Variants in KCNIP3 observed in about 807,000 individuals in gnomAD.
KCNIP3 encodes the protein potassium voltage-gated channel interacting protein 3, also known as calsenilin.
In KCNIP3, 28 loss-of-function variants were observed where a neutral mutation model predicts 35.0. The ratio of observed to expected loss-of-function variants is 0.80; its 90% confidence interval spans 0.59 to 1.10. KCNIP3 has a LOEUF of 1.10. Ranked by LOEUF, KCNIP3 falls within the 50% of genes least tolerant of loss-of-function variation. The pLI is 0.00. For missense variants in KCNIP3, 295 were observed against 338.4 expected, an observed-to-expected ratio of 0.87 and a Z score of 1.01; for synonymous variants, 134 against 133.8, an observed-to-expected ratio of 1.00 and a Z score of -0.01.
At chr2:95,302,909 C>G (rs1166399263) in intron 1 of KCNIP3, 1 of 152,784 alleles carries the variant, frequency 6.5e-6, no homozygotes, top group African/African-American at 2.4e-5. Context: ...TCCGTTAAGT[C>G]TGTAGACATC....
intron 2 of KCNIP3, among the ~76,000 whole-genome samples, chr2:95,365,158 C>CTTTT (rs75136882): frequency 8.3e-5 from 10 of 120,488 alleles, no homozygotes; most frequent in South Asian, 2.8e-4. Context: ...GTCCTTATGT[C>CTTTT]TTTTTTTTTT....
At chr2:95,321,055 A>C (rs1004949597) in intron 2 of KCNIP3, among the ~76,000 whole-genome samples, 22 of 17,836 alleles carry the variant, frequency 1.2e-3, no homozygotes, top group Non-Finnish European at 1.4e-3. Context: ...TCTCCTCCCC[A>C]CACCCCAAGC....
rs141927142 is a variant in KCNIP3 at position 95,301,852 on chromosome 2, CTGTG to C, written c.15+4420_15+4423del. ...GCTGCCAGAGGGCTGGGGCCCAGGG[CTGTG>C]TGTGTGTGTGTGTGTGTGTGCGCGC... is the stretch of plus-strand genomic sequence containing the variant. On this transcript the variant is annotated intron_variant, in intron 1 of 8. Transcript: ENST00000295225. Among the ~76,000 whole-genome samples the C allele has an allele frequency of 5.6e-3, 836 of 149,180 alleles. 5 individuals are homozygous for C. Among genetic ancestry groups the C allele is most frequent in the Non-Finnish European group, 8.4e-3 (562 of 67,046 alleles).
chr2:95,336,997 CT>C (rs1235711365), intron 2 of KCNIP3, among the ~76,000 whole-genome samples: 2 of 152,142 alleles, frequency 1.3e-5, no homozygotes, highest in Non-Finnish European at 2.9e-5. Context: ...AATGCAGAGC[CT>C]AGCAATTAGC....
chr2:95,326,532 C>T (rs929889330), intron 2 of KCNIP3, among the ~76,000 whole-genome samples: 2 of 152,218 alleles, frequency 1.3e-5, no homozygotes, highest in African/African-American at 2.4e-5. Flanking sequence ...GCCTGCCGGC[C>T]CTGTTCTCAA....
chr2:95,310,652 T>A (rs745651248), intron 2 of KCNIP3, 132 bp downstream of exon 2: 48 of 962,322 alleles, frequency 5.0e-5, no homozygotes, highest in Non-Finnish European at 6.6e-5. Flanking sequence ...CTATTGGAGG[T>A]GTGTTTTCAT....
chr2:95,349,478 C>T (rs1223573468), intron 2 of KCNIP3, among the ~76,000 whole-genome samples: 1 of 152,220 alleles, frequency 6.6e-6, no homozygotes, highest in Non-Finnish European at 1.5e-5. Flanking sequence ...GTCAAAAAGC[C>T]TTCCTCTCTG....
At chr2:95,346,575 G>C (rs1409759442) in intron 2 of KCNIP3, among the ~76,000 whole-genome samples, 1 of 145,618 alleles carries the variant, frequency 6.9e-6, no homozygotes, top group African/African-American at 2.5e-5. Flanking sequence ...TGGGGCGGCC[G>C]GGAGCGCCCG....
At chr2:95,360,674 G>C (rs1041980179) in intron 2 of KCNIP3, among the ~76,000 whole-genome samples, 4 of 152,152 alleles carry the variant, frequency 2.6e-5, no homozygotes, top group African/African-American at 7.2e-5. Context: ...GTCCAAGATC[G>C]AGGGCTTGGC....
At chr2:95,383,414 G>C in intron 8 of KCNIP3, 120 bp downstream of exon 8, 2 of 1,010,900 alleles carry the variant, frequency 2.0e-6, no homozygotes, top group Non-Finnish European at 3.0e-6. Context: ...GGATGTGGCA[G>C]CTGTCCTTGG....
At chr2:95,298,260 A>G (rs1266126605) in intron 1 of KCNIP3, among the ~76,000 whole-genome samples, 3 of 152,148 alleles carry the variant, frequency 2.0e-5, no homozygotes, top group Non-Finnish European at 4.4e-5. Flanking sequence ...AACGCCCCAA[A>G]TAACAGTGGA....
rs1239728595 is a variant in KCNIP3, at chr2:95,377,451, C to A, written c.447+2243C>A. Among the ~76,000 whole-genome samples, 2 of 152,262 alleles carry A rather than the reference C, an allele frequency of 1.3e-5. No homozygotes were observed. Among genetic ancestry groups the A allele is most frequent in the East Asian group, 3.8e-4 (2 of 5,202 alleles). On this transcript the variant is annotated intron_variant, in intron 5 of 8. Coordinates refer to ENST00000295225, the MANE Select transcript of KCNIP3 (RefSeq NM_013434.5). The surrounding 1 kb of genome is among the most constrained non-coding windows in gnomAD (Gnocchi z 4.7). The stretch of plus-strand genomic sequence containing the variant: ...CCCACCCCCTCGCTGAGCACCTGCT[C>A]CGGGCTCTGCCGGGAGACCCTCCTG...
intron 2 of KCNIP3, among the ~76,000 whole-genome samples, chr2:95,327,435 G>A (rs574184985): frequency 9.9e-5 from 15 of 152,010 alleles, no homozygotes; most frequent in East Asian, 5.8e-4. Context: ...ATGCACACAC[G>A]TACACACCCA....
chr2:95,370,669 A>G (rs1680020459), intron 2 of KCNIP3, among the ~76,000 whole-genome samples: 1 of 152,226 alleles, frequency 6.6e-6, no homozygotes. Context: ...TGTCAGATAC[A>G]TATACTGGAG....
chr2:95,362,488 A>G (rs1679824215), intron 2 of KCNIP3, among the ~76,000 whole-genome samples: 2 of 152,090 alleles, frequency 1.3e-5, no homozygotes, highest in Non-Finnish European at 2.9e-5. Context: ...GTTACCTCCT[A>G]AGGACCCTAT....
At chr2:95,357,817 C>T (rs1004264353) in intron 2 of KCNIP3, among the ~76,000 whole-genome samples, 2 of 152,232 alleles carry the variant, frequency 1.3e-5, no homozygotes, top group African/African-American at 4.8e-5. Context: ...CAGCCTGGTG[C>T]CCTGCCTTGC....
rs1680227981 is a variant in KCNIP3, at chr2:95,377,286, G to T, written c.447+2078G>T. Among the ~76,000 whole-genome samples the T allele has an allele frequency of 6.6e-6, 1 of 152,252 alleles. No individual in the cohort carries two copies. Among genetic ancestry groups the T allele is most frequent in the Non-Finnish European group, 1.5e-5 (1 of 68,050 alleles). On this transcript the variant is annotated intron_variant, in intron 5 of 8. Transcript: ENST00000295225. This position sits in a 1 kb window ranked among gnomAD's most constrained non-coding sequence, Gnocchi z 4.7. Reference sequence around the variant, plus strand: ...GGATCAAGTCAGGCCCAGTTTGGAAGTGGCAGCCAGGCAGGCATCTGGAGG... The same window carrying T: ...GGATCAAGTCAGGCCCAGTTTGGAATTGGCAGCCAGGCAGGCATCTGGAGG...
At chr2:95,359,306 A>G (rs1474453720) in intron 2 of KCNIP3, among the ~76,000 whole-genome samples, 2 of 151,658 alleles carry the variant, frequency 1.3e-5, no homozygotes, top group Admixed American at 1.3e-4. Flanking sequence ...TGCTTCCAGA[A>G]TACAACGGTG....
intron 1 of KCNIP3, among the ~76,000 whole-genome samples, chr2:95,298,490 A>G (rs553217218): frequency 6.6e-6 from 1 of 152,334 alleles, no homozygotes; most frequent in Non-Finnish European, 1.5e-5. Context: ...AAAAGGACCC[A>G]GAGACAATCA....
Sources: allele counts gnomAD v4.1 joint callset (sites outside exome capture counted in the v4.1 genomes callset), GRCh38; gene constraint gnomAD v4.1.1; non-coding constraint Gnocchi (gnomAD v3.1); transcripts MANE v1.5; gene names NCBI Gene and HGNC (gene_info 2026-07-23, HGNC 2026-07-21).